The following HECTD4 variants were observed in gnomAD, a reference collection of about 807,000 sequenced individuals.
HECTD4 encodes the protein probable E3 ubiquitin-protein ligase HECTD4.
HECTD4 carries 114 observed loss-of-function variants against 471.5 expected under a neutral mutation model. That is an observed-to-expected ratio of 0.24 (90% CI 0.21 to 0.28). HECTD4 has a LOEUF of 0.28. HECTD4 is among the 10% of genes least tolerant of loss of function. The pLI is 1.00. For synonymous variants in HECTD4, 2,012 were observed against 2,256.0 expected, an observed-to-expected ratio of 0.89 and a Z score of 3.07; for missense variants, 3,866 against 5,651.5, an observed-to-expected ratio of 0.68 and a Z score of 10.13.
chr12:112,232,019 T>C (rs754068160), intron 38 of HECTD4, among the ~76,000 whole-genome samples: 1 of 151,964 alleles, frequency 6.6e-6, no homozygotes, highest in East Asian at 1.9e-4. Context: ...CTCTTCCACA[T>C]CAATACACAG....
chr12:112,229,653 T>C (rs1405399346), intron 41 of HECTD4, 45 bp downstream of exon 41: 5 of 1,535,456 alleles, frequency 3.3e-6, no homozygotes, highest in East Asian at 2.3e-5. Flanking sequence ...TGGATGCTTA[T>C]ATATATGGGG....
At chr12:112,265,831 C>G (rs191340758) in intron 15 of HECTD4, 47 bp downstream of exon 15, 6 of 1,385,710 alleles carry the variant, frequency 4.3e-6, no homozygotes, top group Non-Finnish European at 5.1e-6. Context: ...TGTAAACTAA[C>G]GACTGAGAAC....
chr12:112,285,652 C>T (rs896580373), intron 7 of HECTD4, among the ~76,000 whole-genome samples: 3 of 152,162 alleles, frequency 2.0e-5, no homozygotes, highest in East Asian at 1.9e-4. Context: ...TACTCGATTG[C>T]TTGCTGAATA....
Position 112,353,655 on chromosome 12 carries a change from C to T in HECTD4, c.177+28297G>A, listed in dbSNP as rs1268214431. Among the ~76,000 whole-genome samples the T allele has an allele frequency of 4.6e-5, 7 of 151,982 alleles. No individual in the cohort carries two copies. In the East Asian group the frequency reaches 1.3e-3, roughly 29 times the overall value. On this transcript the variant is annotated intron_variant, in intron 1 of 75. Coordinates refer to ENST00000682272, the MANE Select transcript of HECTD4 (RefSeq NM_001388303.1). ...CCAGTCTGGCCAATATGGTAAAACC[C>T]CATCTCTACTAAAAATACAAAATTA... is the stretch of plus-strand genomic sequence containing the variant.
intron 7 of HECTD4, among the ~76,000 whole-genome samples, chr12:112,294,639 TCAAC>T (rs1169410700): frequency 6.6e-6 from 1 of 152,068 alleles, no homozygotes; most frequent in African/African-American, 2.4e-5. Context: ...TACCTTACCC[TCAAC>T]CAACTCCATC....
intron 11 of HECTD4, among the ~76,000 whole-genome samples, chr12:112,272,033 T>A (rs778867642): frequency 3.0e-4 from 46 of 152,136 alleles, no homozygotes; most frequent in East Asian, 5.8e-4. Context: ...TTATTTTTTT[T>A]AATTTTATCT....
chr12:112,195,118 C>T, intron 55 of HECTD4, 52 bp from the exon 56 acceptor site: 1 of 1,490,168 alleles, frequency 6.7e-7, no homozygotes, highest in South Asian at 1.2e-5. Flanking sequence ...CTCCGGCCCC[C>T]ATACCGGGAC....
Position 112,381,552 on chromosome 12 carries a change from G to A in HECTD4, c.177+400C>T, listed in dbSNP as rs1261622701. 6.6e-6 allele frequency among the ~76,000 whole-genome samples: 1 copy of A among 152,132 alleles called. No homozygotes were observed. Among genetic ancestry groups the A allele is most frequent in the Non-Finnish European group, 1.5e-5 (1 of 68,022 alleles). ...GGGTACACAGCGTGAAAATCAAAATGTTCCCAAAGCTAAGCAACCTGGGTG... is the reference window on the plus strand; with the variant it reads ...GGGTACACAGCGTGAAAATCAAAATATTCCCAAAGCTAAGCAACCTGGGTG... On this transcript the variant is annotated intron_variant, in intron 1 of 75. Coordinates refer to ENST00000682272, the MANE Select transcript of HECTD4 (RefSeq NM_001388303.1). The surrounding 1 kb of genome is among the most constrained non-coding windows in gnomAD (Gnocchi z 4.1).
chr12:112,217,929 T>A (rs2032971777), intron 45 of HECTD4, among the ~76,000 whole-genome samples: 1 of 152,186 alleles, frequency 6.6e-6, no homozygotes, highest in Admixed American at 6.5e-5. Flanking sequence ...TTAATCATTC[T>A]AATCATAAAA....
At position 112,261,390 on chromosome 12, in the gene HECTD4, G is replaced by C; in HGVS notation, c.2788C>G (p.Leu930Val). 6.2e-7 allele frequency: 1 copy of C among 1,610,486 alleles called. No homozygotes were observed. Among genetic ancestry groups the C allele is most frequent in the Non-Finnish European group, 8.5e-7 (1 of 1,176,974 alleles). Reference sequence around the variant, plus strand: ...TCCAACACTTCATCACATCCAGTCAGGATTTGGGTGGCAAGAGCCAAAATA... The same window carrying C: ...TCCAACACTTCATCACATCCAGTCACGATTTGGGTGGCAAGAGCCAAAATA... ...VSILALATQI[L>V]TGCDEVLEML... The change falls in exon 18 of 76, where the codon CTG becomes GTG. Residue 930 changes from leucine to valine, a missense_variant. Around this residue, in one of 16 missense-constraint regions of HECTD4, gnomAD observed 525 missense variants for 672.6 expected, o/e 0.78. Coordinates refer to ENST00000682272, the MANE Select transcript of HECTD4 (RefSeq NM_001388303.1).
At chr12:112,375,308 GGATT>G (rs1479421486) in intron 1 of HECTD4, among the ~76,000 whole-genome samples, 1 of 152,134 alleles carries the variant, frequency 6.6e-6, no homozygotes, top group Non-Finnish European at 1.5e-5. Context: ...ACGGACATTT[GGATT>G]GTTTCCAGCT....
In HECTD4 at chr12:112,273,701, A is replaced by G; in HGVS notation, c.1896T>C (p.Tyr632=). ...WCNPGNQAFH[Y]VCQRLGVSHI... ...GACTGACTCCAAGTCTCTGGCAGAC[A>G]TAATGGAAGGCTTGATTCCCAGGGT... The change falls in exon 11 of 76, where the codon TAT becomes TAC. Residue 632 remains tyrosine, a synonymous_variant. Coordinates refer to ENST00000682272, the MANE Select transcript of HECTD4 (RefSeq NM_001388303.1). The G allele has an allele frequency of 1.2e-6, 2 of 1,614,050 alleles. No homozygotes were observed. The highest frequency in any genetic ancestry group is 1.7e-6 in the Non-Finnish European group (2 of 1,179,878).
chr12:112,296,225 A>T (rs887803976), intron 7 of HECTD4, among the ~76,000 whole-genome samples: 27 of 150,418 alleles, frequency 1.8e-4, no homozygotes, highest in African/African-American at 6.4e-4. Flanking sequence ...TGGTAGGTGC[A>T]GACAGTGGTA....
chr12:112,298,265 C>A (rs938837100), intron 7 of HECTD4, among the ~76,000 whole-genome samples: 2 of 151,964 alleles, frequency 1.3e-5, no homozygotes, highest in Non-Finnish European at 2.9e-5. Context: ...TATCTGTATG[C>A]TGTGGTGGAC....
intron 1 of HECTD4, among the ~76,000 whole-genome samples, chr12:112,370,223 G>A (rs2036640198): frequency 6.6e-6 from 1 of 152,172 alleles, no homozygotes; most frequent in Non-Finnish European, 1.5e-5. Context: ...AGAAGCTGTG[G>A]AAAAGGCATG....
intron 1 of HECTD4, among the ~76,000 whole-genome samples, chr12:112,375,806 C>T (rs536224034): frequency 1.3e-5 from 2 of 151,686 alleles, no homozygotes; most frequent in Non-Finnish European, 2.9e-5. Flanking sequence ...TGGTGGCTCA[C>T]GTCTGTAATC....
chr12:112,382,188 G>C lies in HECTD4; in HGVS notation c.-60C>G. 2 of 1,191,810 alleles carry C rather than the reference G, an allele frequency of 1.7e-6. No homozygotes were observed. The highest frequency in any genetic ancestry group is 2.1e-6 in the Non-Finnish European group (2 of 957,518). 73.8% of individuals were successfully genotyped at this position (1,191,810 alleles called of 1,614,324 possible). On this transcript the variant is annotated 5_prime_UTR_variant, in exon 1 of 76. Coordinates refer to ENST00000682272, the MANE Select transcript of HECTD4 (RefSeq NM_001388303.1). ...CGCCCGGCCGGGGGAAACGGAGCAG[G>C]AGCCGCCGCGATCACCAGTCCATGG...
In HECTD4 at chr12:112,229,842, C is replaced by T. The variant is rs762842046; in HGVS notation, c.6375G>A (p.Gly2125=). The change falls in exon 41 of 76, where the codon GGG becomes GGA. Residue 2125 remains glycine (G), a synonymous_variant. Coordinates refer to ENST00000682272, the MANE Select transcript of HECTD4 (RefSeq NM_001388303.1). ...TTTCCAGAATGCTTTCTGCGTATTT[C>T]CCCAATTGTGGAATGTACATCAGTG... ...SRALMYIPQL[G]KYAESILENG... 1.2e-6 allele frequency: 2 copies of T among 1,613,884 alleles called. No individual in the cohort carries two copies. The highest frequency in any genetic ancestry group is 1.7e-6 in the Non-Finnish European group (2 of 1,179,894).
intron 55 of HECTD4, 142 bp from the exon 56 acceptor site, chr12:112,195,208 C>A (rs773283283): frequency 7.7e-6 from 5 of 650,188 alleles, no homozygotes; most frequent in African/African-American, 1.8e-5. Context: ...AAAGGAGTCA[C>A]TTGAGTTTTA....
Sources: allele counts gnomAD v4.1 joint callset (sites outside exome capture counted in the v4.1 genomes callset), GRCh38; gene constraint gnomAD v4.1.1; regional missense constraint gnomAD v4.1.1; non-coding constraint Gnocchi (gnomAD v3.1); transcripts MANE v1.5; gene names NCBI Gene and HGNC (gene_info 2026-07-23, HGNC 2026-07-21).